RYR1: variants seen among roughly 807,000 people sequenced by gnomAD.
The protein encoded by RYR1 is ryanodine receptor 1, also known as central core disease of muscle.
Under a neutral mutation model 583.5 loss-of-function variants are expected in RYR1, and 342 were observed. The ratio of observed to expected loss-of-function variants is 0.59; its 90% CI spans 0.54 to 0.64. The LOEUF (loss-of-function observed/expected upper bound fraction) is 0.64, where lower values mean the gene tolerates loss of function less well. Ranked by LOEUF, RYR1 falls within the 30% of genes least tolerant of loss-of-function variation. The pLI, the probability that RYR1 is intolerant of heterozygous loss-of-function variation, is 0.00. For synonymous variants in RYR1, 2,791 were observed against 2,822.5 expected (o/e 0.99, Z 0.35); for missense variants, 6,032 against 6,917.2 (o/e 0.87, Z 4.54).
chr19:38,474,057 C>T (rs949171838), intron 28 of RYR1, among the ~76,000 whole-genome samples: 1 of 152,160 alleles, frequency 6.6e-6, no homozygotes, highest in Admixed American at 6.5e-5. Flanking sequence ...CCCAATGGAC[C>T]TTATCATCCG....
chr19:38,442,513 C>T (rs1295241247), intron 3 of RYR1, 60 bp downstream of exon 3: 20 of 1,267,982 alleles, frequency 1.6e-5, no homozygotes, highest in Non-Finnish European at 2.0e-5. Flanking sequence ...ACCCAGGGGT[C>T]GTTTAGGGCA....
chr19:38,459,157 C>A lies in RYR1; in HGVS notation c.2179C>A (p.Arg727Ser). 2 of 1,613,342 alleles carry A rather than the reference C, an allele frequency of 1.2e-6. No homozygotes were observed. The highest frequency in any genetic ancestry group is 1.7e-6 in the Non-Finnish European group (2 of 1,179,962). Residue 727 changes from arginine to serine, a missense_variant, in exon 19 of 106, where the codon CGC becomes AGC. Around this residue, in one of 11 missense-constraint regions of RYR1, gnomAD observed 2,627 missense variants for 2,961.3 expected, o/e 0.89. Coordinates refer to ENST00000359596, the MANE Select transcript of RYR1 (RefSeq NM_000540.3). ...GGTGACTGATGCAGGACACGTGGCACGCCCAGTGACTTCCCCAGGGCAGCA... is the reference window on the plus strand; with the variant it reads ...GGTGACTGATGCAGGACACGTGGCAAGCCCAGTGACTTCCCCAGGGCAGCA... The part of the protein sequence containing the change: ...GLHLWTGHVA[R>S]PVTSPGQHLL...
intron 99 of RYR1, 46 bp from the exon 100 acceptor site, chr19:38,579,936 G>A (rs770512053): frequency 6.2e-6 from 10 of 1,613,386 alleles, no homozygotes; most frequent in South Asian, 2.2e-5. Context: ...AGTGCTCCTC[G>A]TGTGTCCCTG....
intron 89 of RYR1, among the ~76,000 whole-genome samples, chr19:38,560,207 AC>A (rs1311735467): frequency 6.6e-6 from 1 of 152,090 alleles, no homozygotes; most frequent in Non-Finnish European, 1.5e-5. Context: ...ACAAAAAAAT[AC>A]AAAAATTCAC....
chr19:38,515,654 C>G (rs570215261), intron 64 of RYR1, among the ~76,000 whole-genome samples: 1 of 152,180 alleles, frequency 6.6e-6, no homozygotes, highest in South Asian at 2.1e-4. Flanking sequence ...TTTTAATTAG[C>G]CTGGTGTGGT....
chr19:38,474,325 C>T (rs1968599137), intron 28 of RYR1, among the ~76,000 whole-genome samples: 1 of 151,728 alleles, frequency 6.6e-6, no homozygotes, highest in Non-Finnish European at 1.5e-5. Context: ...TGCAATGGCG[C>T]AATCTCAGCT....
chr19:38,489,025 C>T (rs1420334301), intron 34 of RYR1, 152 bp from the exon 35 acceptor site: 5 of 746,460 alleles, frequency 6.7e-6, no homozygotes, highest in Admixed American at 2.0e-5. Context: ...GATGGCAAGG[C>T]GGGGGATGCC....
intron 13 of RYR1, among the ~76,000 whole-genome samples, chr19:38,453,399 C>A (rs1431220783): frequency 6.6e-6 from 1 of 151,164 alleles, no homozygotes; most frequent in African/African-American, 2.4e-5. Flanking sequence ...GGTAGGGCTG[C>A]CGACTCAGCG....
rs779597449 is a variant in RYR1 at position 38,448,434 on chromosome 19, G to A, written c.880G>A (p.Glu294Lys). The change falls in exon 10 of 106, where the codon GAG (glutamate) becomes AAG (lysine). Residue 294 changes from glutamate to lysine, a missense_variant. Coordinates refer to ENST00000359596, the MANE Select transcript of RYR1 (RefSeq NM_000540.3). ...TACCGGGCAGTACCTAGCGCTCACC[G>A]AGGACCAGGGCCTGGTGGTGGTTGA... ...VTTGQYLALT[E>K]DQGLVVVDAS... 59 of 1,613,594 alleles carry A rather than the reference G, an allele frequency of 3.7e-5. No individual in the cohort carries two copies. The highest frequency in any genetic ancestry group is 4.0e-5 in the African/African-American group (3 of 74,920).
intron 58 of RYR1, among the ~76,000 whole-genome samples, chr19:38,509,480 T>C (rs1345856070): frequency 7.1e-6 from 1 of 140,862 alleles, no homozygotes; most frequent in African/African-American, 2.7e-5. Flanking sequence ...TGAGACGGAG[T>C]CTTGCTCTGT....
intron 96 of RYR1, among the ~76,000 whole-genome samples, chr19:38,574,339 C>T (rs933172823): frequency 5.3e-5 from 8 of 151,412 alleles, no homozygotes; most frequent in African/African-American, 1.9e-4. Flanking sequence ...CCCTAGGGGC[C>T]GCACTCAGTG....
At chr19:38,575,700 G>T (rs1185149607) in intron 96 of RYR1, among the ~76,000 whole-genome samples, 3 of 152,210 alleles carry the variant, frequency 2.0e-5, no homozygotes, top group African/African-American at 7.2e-5. Flanking sequence ...CTACTCAGGA[G>T]GCTGAGGCAG....
At chr19:38,442,063 G>C (rs1052159820) in intron 2 of RYR1, among the ~76,000 whole-genome samples, 8 of 151,844 alleles carry the variant, frequency 5.3e-5, no homozygotes, top group Admixed American at 1.3e-4. Context: ...AGATTAGGTG[G>C]AACACGGGTT....
rs779394399 is a variant in RYR1 at position 38,528,714 on chromosome 19, G to C, written c.11034+19G>C. On this transcript the variant is annotated intron_variant, in intron 75 of 105. Coordinates refer to ENST00000359596, the MANE Select transcript of RYR1 (RefSeq NM_000540.3). ...CCTTTCAGTGAGCTGGGACCCGCCT[G>C]GGGGAGTGGGGGGCGAGCTGGATAG... 3 of 1,612,234 alleles carry C rather than the reference G, an allele frequency of 1.9e-6. No individual in the cohort carries two copies. Among genetic ancestry groups the C allele is most frequent in the Non-Finnish European group, 1.7e-6 (2 of 1,178,338 alleles).
intron 16 of RYR1, among the ~76,000 whole-genome samples, chr19:38,456,274 ATT>A (rs769713059): frequency 9.4e-5 from 10 of 106,670 alleles, no homozygotes; most frequent in South Asian, 6.1e-4. Flanking sequence ...AGCGCCTGGC[ATT>A]TTTTTTTTTT....
Position 38,478,613 on chromosome 19 carries a change from C to T in RYR1, c.4620+13C>T, listed in dbSNP as rs201971363. The T allele has an allele frequency of 5.0e-5, 80 of 1,608,028 alleles. No homozygotes were observed. Among genetic ancestry groups the T allele is most frequent in the Non-Finnish European group, 6.5e-5 (77 of 1,179,940 alleles). ...CACCTTTTTCCAGGTGAGTCCAGGC[C>T]ACAGCAATTTAGCGAGAGCATCATG... On this transcript the variant is annotated intron_variant, in intron 31 of 105. Coordinates refer to ENST00000359596, the MANE Select transcript of RYR1 (RefSeq NM_000540.3).
At position 38,496,533 on chromosome 19, in the gene RYR1, T is replaced by C; in HGVS notation, c.6788T>C (p.Ile2263Thr). ...AGCTACCTGCTGGAGAACAGTGGCA[T>C]CGGCCTGGGTGAGAACCCCCGAGCC... ...HLSYLLENSGIGLGMQGSTPL... is the reference protein window; with the variant it reads ...HLSYLLENSGTGLGMQGSTPL... The change falls in exon 41 of 106, where the codon ATC (isoleucine) becomes ACC (threonine). Residue 2263 changes from isoleucine to threonine, a missense_variant. Coordinates refer to ENST00000359596, the MANE Select transcript of RYR1 (RefSeq NM_000540.3). The surrounding 1 kb of genome is among the most constrained non-coding windows in gnomAD (Gnocchi z 4.8). The C allele has an allele frequency of 1.2e-6, 2 of 1,613,338 alleles. No homozygotes were observed. Among genetic ancestry groups the C allele is most frequent in the Non-Finnish European group, 1.7e-6 (2 of 1,180,024 alleles).
At chr19:38,542,957 T>G (rs981201851) in intron 84 of RYR1, among the ~76,000 whole-genome samples, 9 of 152,106 alleles carry the variant, frequency 5.9e-5, no homozygotes, top group African/African-American at 2.2e-4. Context: ...TTCTCCTGCC[T>G]CAGCCTCCCA....
chr19:38,519,784 T>C (rs1361357974), intron 67 of RYR1, among the ~76,000 whole-genome samples: 1 of 151,868 alleles, frequency 6.6e-6, no homozygotes, highest in Admixed American at 6.6e-5. Flanking sequence ...GTTCAAGTGA[T>C]TCTCCTGCCT....
Sources: allele counts gnomAD v4.1 joint callset (sites outside exome capture counted in the v4.1 genomes callset), GRCh38; gene constraint gnomAD v4.1.1; regional missense constraint gnomAD v4.1.1; non-coding constraint Gnocchi (gnomAD v3.1); transcripts MANE v1.5; gene names NCBI Gene and HGNC (gene_info 2026-07-23, HGNC 2026-07-21).